CDK6: variants seen among roughly 807,000 people sequenced by gnomAD.
The protein encoded by CDK6 is cyclin-dependent kinase 6.
CDK6 carries 6 observed loss-of-function variants against 37.1 expected under a neutral mutation model. That is an observed-to-expected ratio of 0.16 (90% CI 0.09 to 0.32). The LOEUF is 0.32. Ranked by LOEUF, CDK6 falls within the 10% of genes least tolerant of loss-of-function variation. The probability of loss-of-function intolerance (pLI) is 1.00; values close to 1 mark genes in which losing one functional copy is unlikely to be tolerated. For synonymous variants in CDK6, 160 were observed against 161.3 expected, an observed-to-expected ratio of 0.99 and a Z score of 0.06; for missense variants, 224 against 418.9, an observed-to-expected ratio of 0.53 and a Z score of 4.06.
intron 5 of CDK6, among the ~76,000 whole-genome samples, chr7:92,661,197 G>A (rs1283466320): frequency 6.6e-6 from 1 of 152,186 alleles, no homozygotes; most frequent in Admixed American, 6.5e-5. Context: ...AGCAGCTTAA[G>A]TGTCAGGAGG....
At chr7:92,705,623 G>A (rs1273184504) in intron 4 of CDK6, among the ~76,000 whole-genome samples, 2 of 152,188 alleles carry the variant, frequency 1.3e-5, no homozygotes, top group African/African-American at 4.8e-5. Flanking sequence ...TCATGTTGCA[G>A]AAGCTCCTGA....
In CDK6 at chr7:92,832,959, A is replaced by T. The variant is rs997762021; in HGVS notation, c.233+132T>A. Reference sequence around the variant, plus strand: ...CGACAAAACTTAACTCTCACTCTGTAAGACCAACAGGTCGCGCAGGACCTC... The same window carrying T: ...CGACAAAACTTAACTCTCACTCTGTTAGACCAACAGGTCGCGCAGGACCTC... On this transcript the variant is annotated intron_variant, in intron 2 of 7. Transcript: ENST00000424848. 1.7e-5 allele frequency: 11 copies of T among 655,938 alleles called. No homozygotes were observed. In the African/African-American group the frequency reaches 2.0e-4, roughly 12 times the overall value. The allele number at this position is 655,938 out of a possible 1,614,324, so 40.6% of individuals were successfully genotyped here. A position where few individuals can be genotyped will look rare whatever the true frequency, so the allele number is the denominator to read the frequency against.
intron 2 of CDK6, among the ~76,000 whole-genome samples, chr7:92,782,149 A>G: frequency 6.6e-6 from 1 of 152,224 alleles, no homozygotes; most frequent in East Asian, 1.9e-4. Flanking sequence ...TATGACAGAT[A>G]TTGTTTTTAA....
chr7:92,624,570 T>G (rs1726186026), intron 5 of CDK6, among the ~76,000 whole-genome samples: 1 of 152,142 alleles, frequency 6.6e-6, no homozygotes, highest in African/African-American at 2.4e-5. Flanking sequence ...GTCTGGTATT[T>G]TGTTGCAGCA....
intron 5 of CDK6, among the ~76,000 whole-genome samples, chr7:92,627,434 C>T (rs1795952439): frequency 6.6e-6 from 1 of 151,984 alleles, no homozygotes; most frequent in Non-Finnish European, 1.5e-5. Context: ...CATTAGTGCC[C>T]TTATAAGAGA....
chr7:92,757,652 T>C (rs1469152020), intron 3 of CDK6, among the ~76,000 whole-genome samples: 1 of 152,210 alleles, frequency 6.6e-6, no homozygotes, highest in Non-Finnish European at 1.5e-5. Flanking sequence ...TGATTCATTA[T>C]TCCTCTGGGT....
At chr7:92,828,384 C>T (rs1801386192) in intron 2 of CDK6, among the ~76,000 whole-genome samples, 1 of 149,880 alleles carries the variant, frequency 6.7e-6, no homozygotes, top group Non-Finnish European at 1.5e-5. Context: ...CTGCTTCCAT[C>T]AAACAAACAA....
intron 3 of CDK6, among the ~76,000 whole-genome samples, chr7:92,734,263 G>A (rs528045158): frequency 3.5e-4 from 53 of 152,120 alleles, no homozygotes; most frequent in Middle Eastern, 3.4e-3. Flanking sequence ...GGTCTGGTCC[G>A]CCTTCTCCTT....
intron 2 of CDK6, among the ~76,000 whole-genome samples, chr7:92,808,234 T>C (rs1251585253): frequency 6.6e-6 from 1 of 152,224 alleles, no homozygotes; most frequent in African/African-American, 2.4e-5. Flanking sequence ...TGAACCAAAA[T>C]GCCAGTTACT....
At chr7:92,812,920 A>G (rs2115948246) in intron 2 of CDK6, among the ~76,000 whole-genome samples, 1 of 152,314 alleles carries the variant, frequency 6.6e-6, no homozygotes, top group South Asian at 2.1e-4. Flanking sequence ...TTGTCATACT[A>G]ATTTGGTGAT....
At chr7:92,671,400 A>G in intron 5 of CDK6, 26 bp downstream of exon 5, 1 of 1,382,466 alleles carries the variant, frequency 7.2e-7, no homozygotes, top group South Asian at 1.4e-5. Flanking sequence ...CAAGGAAAGC[A>G]GAGTGAAACA....
intron 5 of CDK6, among the ~76,000 whole-genome samples, chr7:92,666,932 C>T (rs1008874850): frequency 1.5e-4 from 23 of 152,216 alleles, no homozygotes; most frequent in South Asian, 8.3e-4. Context: ...AGGCCCTTCA[C>T]GAGGTATCCT....
chr7:92,708,106 A>C (rs1798007038), intron 4 of CDK6, among the ~76,000 whole-genome samples: 1 of 152,182 alleles, frequency 6.6e-6, no homozygotes. Flanking sequence ...GGCTGAAAAA[A>C]AATTTGACGC....
At chr7:92,821,400 C>T (rs927764748) in intron 2 of CDK6, among the ~76,000 whole-genome samples, 2 of 152,096 alleles carry the variant, frequency 1.3e-5, no homozygotes, top group Admixed American at 6.6e-5. Flanking sequence ...GAATTCCCCA[C>T]CTGCTAAATT....
chr7:92,800,661 T>C (rs1424533985), intron 2 of CDK6, among the ~76,000 whole-genome samples: 5 of 152,206 alleles, frequency 3.3e-5, no homozygotes, highest in African/African-American at 1.2e-4. Context: ...TCAATTAACC[T>C]CTGTTAAACC....
intron 4 of CDK6, among the ~76,000 whole-genome samples, chr7:92,690,642 A>G (rs964873875): frequency 6.6e-6 from 1 of 152,218 alleles, no homozygotes; most frequent in African/African-American, 2.4e-5. Flanking sequence ...ATCTATTAAC[A>G]TTCTACAGAA....
intron 2 of CDK6, among the ~76,000 whole-genome samples, chr7:92,792,949 C>T (rs1274726897): frequency 6.7e-6 from 1 of 150,284 alleles, no homozygotes; most frequent in Non-Finnish European, 1.5e-5. Flanking sequence ...GAGAGGTGAG[C>T]AAGAAAATAG....
intron 5 of CDK6, among the ~76,000 whole-genome samples, chr7:92,628,169 C>G (rs190235402): frequency 4.9e-4 from 74 of 152,144 alleles, no homozygotes; most frequent in South Asian, 1.5e-3. Flanking sequence ...AAAAAAGGCA[C>G]TGGTATGAAA....
intron 3 of CDK6, among the ~76,000 whole-genome samples, chr7:92,758,422 T>C (rs1429876150): frequency 6.6e-6 from 1 of 152,190 alleles, no homozygotes; most frequent in Non-Finnish European, 1.5e-5. Context: ...TTGTCAGGTT[T>C]GTGGAAGGGC....
Sources: gnomAD v4.1 joint callset for allele counts (sites outside exome capture counted in the v4.1 genomes callset) on GRCh38, gnomAD v4.1.1 for gene constraint, MANE v1.5 for transcripts, NCBI Gene and HGNC (gene_info 2026-07-23, HGNC 2026-07-21) for gene names.